The following RABGAP1L variants were observed in gnomAD, a reference collection of about 807,000 sequenced individuals.
RABGAP1L encodes the protein RAB GTPase activating protein 1 like.
In RABGAP1L, 63 loss-of-function variants were observed where a neutral mutation model predicts 137.7. The observed-to-expected ratio is 0.46, with a 90% CI of 0.37 to 0.56. The LOEUF is 0.56. Among genes scored for constraint, RABGAP1L ranks in the 20% least tolerant of loss-of-function variants. The pLI, the probability that RABGAP1L is intolerant of heterozygous loss-of-function variation, is 0.00. For missense variants in RABGAP1L, 1,095 were observed against 1,244.0 expected, an observed-to-expected ratio of 0.88 and a Z score of 1.80; for synonymous variants, 431 against 433.7, an observed-to-expected ratio of 0.99 and a Z score of 0.08.
chr1:174,670,354 G>T (rs1216138526), intron 14 of RABGAP1L, among the ~76,000 whole-genome samples: 1 of 151,738 alleles, frequency 6.6e-6, no homozygotes, highest in Admixed American at 6.6e-5. Context: ...TGGAGAATGG[G>T]GTATTCATGC....
chr1:174,608,240 A>G (rs1670933108), intron 13 of RABGAP1L, among the ~76,000 whole-genome samples: 1 of 152,060 alleles, frequency 6.6e-6, no homozygotes, highest in African/African-American at 2.4e-5. Flanking sequence ...GCCTTGGTTC[A>G]CCATTTTCTT....
At chr1:174,821,105 G>A (rs908909515) in intron 19 of RABGAP1L, among the ~76,000 whole-genome samples, 2 of 151,686 alleles carry the variant, frequency 1.3e-5, no homozygotes. Flanking sequence ...GGCATTCATG[G>A]CCACCTCCTA....
intron 12 of RABGAP1L, among the ~76,000 whole-genome samples, chr1:174,384,420 A>C (rs1686558058): frequency 6.6e-6 from 1 of 152,088 alleles, no homozygotes; most frequent in East Asian, 1.9e-4. Context: ...CTCTGTATAA[A>C]TTGTGCCTTA....
chr1:174,490,845 A>C (rs1348121098), intron 13 of RABGAP1L, among the ~76,000 whole-genome samples: 2 of 152,008 alleles, frequency 1.3e-5, no homozygotes, highest in East Asian at 3.9e-4. Context: ...GCCCACGGCC[A>C]TCACCAACAC....
chr1:174,884,341 CAA>C (rs1654738172), intron 19 of RABGAP1L, among the ~76,000 whole-genome samples: 2 of 152,134 alleles, frequency 1.3e-5, no homozygotes, highest in Admixed American at 1.3e-4. Flanking sequence ...AATTAAAAAA[CAA>C]AATTCAGAGC....
chr1:174,350,238 C>T (rs1196828069), intron 11 of RABGAP1L, among the ~76,000 whole-genome samples: 66 of 134,268 alleles, frequency 4.9e-4, no homozygotes, highest in Non-Finnish European at 7.3e-4. Flanking sequence ...GGCGGAGACG[C>T]TCCTCACTTC....
intron 11 of RABGAP1L, among the ~76,000 whole-genome samples, chr1:174,357,830 C>T (rs536473545): frequency 6.6e-6 from 1 of 152,212 alleles, no homozygotes; most frequent in Non-Finnish European, 1.5e-5. Context: ...TGCCAGTAGG[C>T]ATTCAAGTTT....
intron 11 of RABGAP1L, among the ~76,000 whole-genome samples, chr1:174,313,648 C>T (rs1463836929): frequency 6.6e-6 from 1 of 152,116 alleles, no homozygotes; most frequent in Non-Finnish European, 1.5e-5. Context: ...AGCTGTTGGT[C>T]TGTCATATAT....
intron 1 of RABGAP1L, among the ~76,000 whole-genome samples, chr1:174,163,321 C>T (rs1227396757): frequency 6.6e-6 from 1 of 152,178 alleles, no homozygotes; most frequent in Non-Finnish European, 1.5e-5. Context: ...GAGCTTGCAT[C>T]TCTGAACATC....
intron 13 of RABGAP1L, chr1:174,545,353 C>T (rs905022108): frequency 6.6e-6 from 1 of 152,318 alleles, no homozygotes; most frequent in African/African-American, 2.4e-5. Context: ...TGATCTCAGA[C>T]TGCTGTGTTA....
At chr1:174,192,579 C>T (rs1294308641) in intron 1 of RABGAP1L, among the ~76,000 whole-genome samples, 2 of 152,146 alleles carry the variant, frequency 1.3e-5, no homozygotes, top group South Asian at 2.1e-4. Context: ...GTCTCGGCCT[C>T]CCAAAGTGCT....
chr1:174,196,415 G>A (rs79251555), intron 1 of RABGAP1L, among the ~76,000 whole-genome samples: 3 of 151,552 alleles, frequency 2.0e-5, no homozygotes, highest in African/African-American at 7.3e-5. Context: ...TGGTAGAGAC[G>A]GGGTTTCGCT....
chr1:174,954,843 A>T, intron 19 of RABGAP1L, among the ~76,000 whole-genome samples: 1 of 152,162 alleles, frequency 6.6e-6, no homozygotes, highest in East Asian at 1.9e-4. Flanking sequence ...TACTGCTTAA[A>T]ACCCTGAAGC....
At chr1:174,360,842 T>C (rs2148962362) in intron 11 of RABGAP1L, among the ~76,000 whole-genome samples, 1 of 152,326 alleles carries the variant, frequency 6.6e-6, no homozygotes, top group South Asian at 2.1e-4. Context: ...TTTACCTTTT[T>C]TATTCATTTA....
intron 13 of RABGAP1L, among the ~76,000 whole-genome samples, chr1:174,552,249 A>G (rs1666595045): frequency 6.6e-6 from 1 of 152,058 alleles, no homozygotes; most frequent in Non-Finnish European, 1.5e-5. Flanking sequence ...GTTTTTGTAT[A>G]GATTATTTCA....
chr1:174,977,223 T>A (rs1437616012), intron 22 of RABGAP1L, among the ~76,000 whole-genome samples: 2 of 152,252 alleles, frequency 1.3e-5, no homozygotes, highest in Admixed American at 1.3e-4. Flanking sequence ...TTCCATGGTT[T>A]CTTTTTCCTT....
intron 11 of RABGAP1L, among the ~76,000 whole-genome samples, chr1:174,362,867 G>C (rs72713541): frequency 6.6e-6 from 1 of 152,088 alleles, no homozygotes; most frequent in East Asian, 1.9e-4. Flanking sequence ...TATTTGTGCC[G>C]ATGTCTCGAA....
chr1:174,495,296 A>G (rs1281281763), intron 13 of RABGAP1L, among the ~76,000 whole-genome samples: 1 of 152,164 alleles, frequency 6.6e-6, no homozygotes, highest in East Asian at 1.9e-4. Flanking sequence ...GGATGTGAGT[A>G]ATCTTTAGGG....
chr1:174,417,267 G>A (rs1650713249), intron 13 of RABGAP1L, among the ~76,000 whole-genome samples: 1 of 152,096 alleles, frequency 6.6e-6, no homozygotes, highest in Non-Finnish European at 1.5e-5. Flanking sequence ...AATTTGAATT[G>A]TGGCCCATTG....
Sources: gnomAD v4.1 joint callset for allele counts (sites outside exome capture counted in the v4.1 genomes callset) on GRCh38, gnomAD v4.1.1 for gene constraint, MANE v1.5 for transcripts, NCBI Gene and HGNC (gene_info 2026-07-23, HGNC 2026-07-21) for gene names.